Variants in MARCHF1 observed in about 807,000 individuals in gnomAD.
The protein encoded by MARCHF1 is membrane associated ring-CH-type finger 1.
MARCHF1 carries 40 observed loss-of-function variants against 54.2 expected under a neutral mutation model. That is an observed-to-expected ratio of 0.74 (90% CI 0.57 to 0.96). The LOEUF is 0.96. Ranked by LOEUF, MARCHF1 falls within the 40% of genes least tolerant of loss-of-function variation. MARCHF1 has a pLI of 0.00. For synonymous variants in MARCHF1, 236 were observed against 236.3 expected (o/e 1.00, Z 0.01); for missense variants, 586 against 656.5 (o/e 0.89, Z 1.17).
At chr4:164,253,480 ACAAG>A (rs1733182127) in intron 1 of MARCHF1, among the ~76,000 whole-genome samples, 1 of 152,216 alleles carries the variant, frequency 6.6e-6, no homozygotes, top group South Asian at 2.1e-4. Flanking sequence ...GCTTTTAATA[ACAAG>A]TCAGAACTAA....
At chr4:164,049,499 A>G in intron 2 of MARCHF1, among the ~76,000 whole-genome samples, 1 of 152,158 alleles carries the variant, frequency 6.6e-6, no homozygotes, top group East Asian at 1.9e-4. Context: ...AAATTTACAC[A>G]CCTGCTAAAA....
At chr4:163,614,892 G>A (rs999851507) in intron 5 of MARCHF1, among the ~76,000 whole-genome samples, 1 of 151,968 alleles carries the variant, frequency 6.6e-6, no homozygotes, top group East Asian at 1.9e-4. Flanking sequence ...TAAGAAAGGA[G>A]GAAGATACTA....
chr4:163,541,649 T>C (rs1319179442), intron 9 of MARCHF1, among the ~76,000 whole-genome samples: 1 of 152,212 alleles, frequency 6.6e-6, no homozygotes, highest in Non-Finnish European at 1.5e-5. Flanking sequence ...AGGATCATCA[T>C]TACAGTTCAA....
intron 4 of MARCHF1, among the ~76,000 whole-genome samples, chr4:163,723,917 C>A (rs1745564941): frequency 6.6e-6 from 1 of 152,108 alleles, no homozygotes; most frequent in Admixed American, 6.6e-5. Flanking sequence ...TTTTAGTTAG[C>A]CATTCGTCTA....
At chr4:163,679,206 G>C (rs1010231608) in intron 5 of MARCHF1, among the ~76,000 whole-genome samples, 3 of 152,212 alleles carry the variant, frequency 2.0e-5, no homozygotes, top group Admixed American at 2.0e-4. Context: ...TGGACCTCAT[G>C]TTTGAACTGG....
chr4:164,351,019 C>T (rs1053137338), intron 1 of MARCHF1, among the ~76,000 whole-genome samples: 1 of 151,966 alleles, frequency 6.6e-6, no homozygotes, highest in Non-Finnish European at 1.5e-5. Flanking sequence ...CCTGGAAAAT[C>T]GGGTTACTCC....
chr4:164,190,119 G>A (rs1731086303), intron 1 of MARCHF1: 1 of 1,499,724 alleles, frequency 6.7e-7, no homozygotes, highest in Non-Finnish European at 9.1e-7. Context: ...AGAAAAGCTG[G>A]GAGGTAAACT....
intron 2 of MARCHF1, among the ~76,000 whole-genome samples, chr4:164,098,298 T>A (rs1755459371): frequency 6.6e-6 from 1 of 152,236 alleles, no homozygotes; most frequent in African/African-American, 2.4e-5. Context: ...GTAGGTTAAC[T>A]TCACTATATT....
chr4:163,886,108 T>A (rs1284007816), intron 3 of MARCHF1, among the ~76,000 whole-genome samples: 1 of 149,024 alleles, frequency 6.7e-6, no homozygotes, highest in African/African-American at 2.5e-5. Flanking sequence ...TAAATTGAAG[T>A]AATTGGATAT....
chr4:164,182,128 A>G (rs1402463378), intron 1 of MARCHF1, among the ~76,000 whole-genome samples: 1 of 152,138 alleles, frequency 6.6e-6, no homozygotes, highest in East Asian at 1.9e-4. Context: ...AAGCTATGAA[A>G]CACTAATAGG....
At chr4:163,539,083 C>G (rs561730854) in intron 9 of MARCHF1, among the ~76,000 whole-genome samples, 1 of 151,988 alleles carries the variant, frequency 6.6e-6, no homozygotes, top group African/African-American at 2.4e-5. Flanking sequence ...TGCAGTGGTG[C>G]GATCTCAGCT....
Position 164,052,535 on chromosome 4 carries a change from A to T in MARCHF1, c.-248+59053T>A, listed in dbSNP as rs539480024. On this transcript the variant is annotated intron_variant, in intron 2 of 9. Transcript: ENST00000514618. ...TGACAGAGTGACTTCGTCTCAAAAAAAAAAGAGCCTTCCTCCTGGGTAAAG... is the reference window on the plus strand; with the variant it reads ...TGACAGAGTGACTTCGTCTCAAAAATAAAAGAGCCTTCCTCCTGGGTAAAG... 2.0e-4 allele frequency among the ~76,000 whole-genome samples: 30 copies of T among 152,212 alleles called. 1 individual carries two copies. Among genetic ancestry groups the T allele is most frequent in the African/African-American group, 6.3e-4 (26 of 41,542 alleles).
chr4:164,092,473 G>T (rs1259568442), intron 2 of MARCHF1, among the ~76,000 whole-genome samples: 4 of 152,240 alleles, frequency 2.6e-5, no homozygotes, highest in Admixed American at 2.0e-4. Flanking sequence ...TGAAGTTGGA[G>T]TGAAGTTCAA....
intron 1 of MARCHF1, among the ~76,000 whole-genome samples, chr4:164,147,353 G>T (rs1579573621): frequency 1.3e-5 from 2 of 148,320 alleles, no homozygotes; most frequent in East Asian, 3.9e-4. Flanking sequence ...AAATCATGCT[G>T]CTATAAAGAC....
intron 4 of MARCHF1, among the ~76,000 whole-genome samples, chr4:163,773,818 G>A (rs1485143212): frequency 1.3e-5 from 2 of 152,096 alleles, no homozygotes; most frequent in African/African-American, 4.8e-5. Flanking sequence ...TAATCAGTGA[G>A]GAAGACAAAG....
intron 1 of MARCHF1, among the ~76,000 whole-genome samples, chr4:164,198,646 G>C (rs1219834324): frequency 6.6e-6 from 1 of 152,200 alleles, no homozygotes; most frequent in African/African-American, 2.4e-5. Context: ...GTTCTATTGA[G>C]AAGTTAGCAG....
chr4:163,675,040 C>G (rs1743867043), intron 5 of MARCHF1, among the ~76,000 whole-genome samples: 1 of 152,064 alleles, frequency 6.6e-6, no homozygotes, highest in African/African-American at 2.4e-5. Context: ...CTCCTCAAGT[C>G]AGAAGAGTTG....
chr4:163,529,001 A>G lies in MARCHF1; in HGVS notation c.1385T>C (p.Ile462Thr). ...GAAGACAAGACCTCCTGTGAAGCCA[A>G]TGGCTACCACAACCAGTTTTGTCCA... ...PFWTKLVVVA[I>T]GFTGGLVFMY... Residue 462 changes from isoleucine to threonine, a missense_variant, in exon 10 of 10, where the codon ATT becomes ACT. Physicochemically the swap from Ile to Thr is moderately conservative, Grantham distance 89. Transcript: ENST00000514618. The G allele has an allele frequency of 6.2e-7, 1 of 1,612,350 alleles. No homozygotes were observed. The highest frequency in any genetic ancestry group is 1.7e-5 in the Admixed American group (1 of 59,832).
intron 4 of MARCHF1, among the ~76,000 whole-genome samples, chr4:163,752,254 A>G (rs1488124872): frequency 6.6e-6 from 1 of 152,176 alleles, no homozygotes; most frequent in Non-Finnish European, 1.5e-5. Flanking sequence ...ACATAAGAAA[A>G]TAATTTCATG....
Sources: gnomAD v4.1 joint callset for allele counts (sites outside exome capture counted in the v4.1 genomes callset) on GRCh38, gnomAD v4.1.1 for gene constraint, MANE v1.5 for transcripts, NCBI Gene and HGNC (gene_info 2026-07-23, HGNC 2026-07-21) for gene names.